The following BANK1 variants were observed in gnomAD, a reference collection of about 807,000 sequenced individuals.
BANK1 encodes the protein B cell scaffold protein with ankyrin repeats 1.
In BANK1, 95 loss-of-function variants were observed where a neutral mutation model predicts 94.5. The ratio of observed to expected loss-of-function variants is 1.00; its 90% CI spans 0.85 to 1.19. The LOEUF (loss-of-function observed/expected upper bound fraction) is 1.19. BANK1 is among the 50% of genes most tolerant of loss of function. BANK1 has a pLI of 0.00. For synonymous variants in BANK1, 334 were observed against 308.4 expected, an observed-to-expected ratio of 1.08 and a Z score of -0.87; for missense variants, 987 against 932.2, an observed-to-expected ratio of 1.06 and a Z score of -0.77.
chr4:101,950,223 C>G (rs375298673), intron 7 of BANK1, among the ~76,000 whole-genome samples: 2 of 152,178 alleles, frequency 1.3e-5, no homozygotes, highest in East Asian at 3.9e-4. Context: ...TATTATTATT[C>G]TGTTTCTACT....
At chr4:101,878,986 T>C (rs932892497) in intron 5 of BANK1, among the ~76,000 whole-genome samples, 3 of 122,480 alleles carry the variant, frequency 2.4e-5, no homozygotes, top group Admixed American at 1.5e-4. Context: ...TATAAGTGCC[T>C]ATGTCAAAAA....
At chr4:102,036,690 A>T (rs1375253544) in intron 10 of BANK1, 2 of 152,202 alleles carry the variant, frequency 1.3e-5, no homozygotes, top group African/African-American at 4.8e-5. Flanking sequence ...ACCTGTGTTC[A>T]TACTGTCCAT....
intron 7 of BANK1, among the ~76,000 whole-genome samples, chr4:101,968,839 G>A (rs1409849261): frequency 2.0e-5 from 3 of 152,028 alleles, no homozygotes; most frequent in Non-Finnish European, 4.4e-5. Context: ...GAAGAAAACA[G>A]AAAAGTTGAC....
At chr4:101,868,755 G>A (rs1400351341) in intron 4 of BANK1, among the ~76,000 whole-genome samples, 3 of 151,936 alleles carry the variant, frequency 2.0e-5, no homozygotes, top group Admixed American at 1.3e-4. Context: ...GCAGAACAGA[G>A]TACTGCTCAT....
At chr4:101,793,459 G>A (rs1725060819) in intron 1 of BANK1, among the ~76,000 whole-genome samples, 1 of 152,104 alleles carries the variant, frequency 6.6e-6, no homozygotes, top group Non-Finnish European at 1.5e-5. Context: ...CCATAATAAG[G>A]AATAATTCTG....
Position 102,073,668 on chromosome 4 carries a change from C to A in BANK1, c.2299-16C>A, listed in dbSNP as rs1270673417. The A allele has an allele frequency of 6.2e-7, 1 of 1,607,734 alleles. No homozygotes were observed. Among genetic ancestry groups the A allele is most frequent in the Non-Finnish European group, 8.5e-7 (1 of 1,176,468 alleles). ...AAATCGAGAAATACTAGCTCTATAT[C>A]TTTATTTTTTTTCAGCTTCCTGCTC... On this transcript the variant is annotated splice_polypyrimidine_tract_variant and intron_variant, in intron 15 of 16. Coordinates refer to ENST00000322953, the MANE Select transcript of BANK1 (RefSeq NM_017935.5).
chr4:101,812,988 A>T lies in BANK1; in HGVS notation c.71-16820A>T, dbSNP rs560282574. Among the ~76,000 whole-genome samples, 91 of 152,226 alleles carry T rather than the reference A, an allele frequency of 6.0e-4. 1 individual carries two copies. The highest frequency in any genetic ancestry group is 3.9e-3 in the South Asian group (19 of 4,818). ...AATAGTAAAAAAGTAATCTTTGTTA[A>T]AGTTAGTATGAATTTAAATACTCTT... On this transcript the variant is annotated intron_variant, in intron 1 of 16. Transcript: ENST00000322953.
At chr4:102,056,760 C>T (rs536748574) in intron 11 of BANK1, among the ~76,000 whole-genome samples, 14 of 152,268 alleles carry the variant, frequency 9.2e-5, no homozygotes, top group African/African-American at 3.1e-4. Flanking sequence ...AATCCCAGCA[C>T]TTTGGGAGGC....
At chr4:101,867,824 A>T (rs1728133780) in intron 4 of BANK1, among the ~76,000 whole-genome samples, 1 of 151,688 alleles carries the variant, frequency 6.6e-6, no homozygotes, top group African/African-American at 2.4e-5. Flanking sequence ...GAGAGAAAAT[A>T]GAATCCTATA....
Position 102,030,037 on chromosome 4 carries a change from C to A in BANK1, c.1672C>A (p.Pro558Thr). 1.2e-6 allele frequency: 2 copies of A among 1,613,354 alleles called. No individual in the cohort carries two copies. The highest frequency in any genetic ancestry group is 1.7e-4 in the Middle Eastern group (1 of 6,054). ...TGTTAGACAAGAAACAGGAGATGAA[C>A]CCAAAGGAGAAAAAGAGAAGAAAGA... The part of the protein sequence containing the change: ...PGVRQETGDE[P>T]KGEKEKKEEE... The change falls in exon 10 of 17, where the codon CCC (proline) becomes ACC (threonine). Residue 558 changes from proline (P) to threonine (T), a missense_variant. Coordinates refer to ENST00000322953, the MANE Select transcript of BANK1 (RefSeq NM_017935.5).
chr4:101,790,900 G>T lies in BANK1; in HGVS notation c.20G>T (p.Gly7Val). Residue 7 changes from glycine (G) to valine (V), a missense_variant, in exon 1 of 17, where the codon GGC (glycine) becomes GTC (valine). Coordinates refer to ENST00000322953, the MANE Select transcript of BANK1 (RefSeq NM_017935.5). ...GCCACAATGCTGCCAGCAGCGCCAG[G>T]CAAGGGGCTTGGGAGCCCGGACCCC... MLPAAP[G>V]KGLGSPDPAP... The T allele has an allele frequency of 6.5e-7, 1 of 1,540,174 alleles. No individual in the cohort carries two copies. Among genetic ancestry groups the T allele is most frequent in the Non-Finnish European group, 8.7e-7 (1 of 1,147,628 alleles).
chr4:101,917,944 T>C (rs757004866), intron 6 of BANK1, 49 bp from the exon 7 acceptor site: 33 of 1,365,468 alleles, frequency 2.4e-5, no homozygotes, highest in Non-Finnish European at 3.1e-5. Flanking sequence ...TTTAATGAGA[T>C]TGCCAATAAA....
chr4:101,830,351 G>C, intron 2 of BANK1, 145 bp downstream of exon 2: 1 of 608,186 alleles, frequency 1.6e-6, no homozygotes, highest in Non-Finnish European at 2.6e-6. Context: ...ACAGTATGTT[G>C]TACTGTCCAC....
chr4:101,830,634 T>G (rs1726581276), intron 2 of BANK1, among the ~76,000 whole-genome samples: 1 of 152,230 alleles, frequency 6.6e-6, no homozygotes, highest in Non-Finnish European at 1.5e-5. Context: ...TTTTAAAATT[T>G]TAAGCATGTA....
chr4:101,852,599 A>G (rs1727531565), intron 2 of BANK1, among the ~76,000 whole-genome samples: 1 of 150,342 alleles, frequency 6.7e-6, no homozygotes, highest in African/African-American at 2.4e-5. Flanking sequence ...TTTTACTAGA[A>G]TAGGAGCCTA....
At chr4:101,861,868 CAA>C (rs1259681115) in intron 3 of BANK1, among the ~76,000 whole-genome samples, 1 of 151,974 alleles carries the variant, frequency 6.6e-6, no homozygotes, top group Non-Finnish European at 1.5e-5. Context: ...TATTTTTTCA[CAA>C]AGTTATTCAA....
intron 7 of BANK1, among the ~76,000 whole-genome samples, chr4:101,975,887 A>G (rs563774119): frequency 6.6e-6 from 1 of 152,250 alleles, no homozygotes; most frequent in Non-Finnish European, 1.5e-5. Context: ...ATAACCACCA[A>G]TAGTGTTTGA....
chr4:101,866,035 C>T (rs1728056834), intron 4 of BANK1, among the ~76,000 whole-genome samples: 1 of 151,888 alleles, frequency 6.6e-6, no homozygotes, highest in Non-Finnish European at 1.5e-5. Context: ...GCAAGGCATT[C>T]CTAAAGACAA....
intron 4 of BANK1, among the ~76,000 whole-genome samples, chr4:101,865,371 T>G (rs1728029421): frequency 1.3e-5 from 2 of 152,112 alleles, no homozygotes; most frequent in Admixed American, 1.3e-4. Context: ...GGTAGTAGTT[T>G]TAGGATGTCC....
Sources: gnomAD v4.1 joint callset for allele counts (sites outside exome capture counted in the v4.1 genomes callset) on GRCh38, gnomAD v4.1.1 for gene constraint, MANE v1.5 for transcripts, NCBI Gene and HGNC (gene_info 2026-07-23, HGNC 2026-07-21) for gene names.